ZDHHC13: variants seen among roughly 807,000 people sequenced by gnomAD.
ZDHHC13 encodes the protein zDHHC palmitoyltransferase 13, also known as palmitoyltransferase ZDHHC13.
ZDHHC13 carries 85 observed loss-of-function variants against 86.0 expected under a neutral mutation model. The ratio of observed to expected loss-of-function variants is 0.99; its 90% CI spans 0.83 to 1.18. The LOEUF (loss-of-function observed/expected upper bound fraction) is 1.18. Ranked by LOEUF, ZDHHC13 falls within the 50% of genes most tolerant of loss-of-function variation. The pLI, the probability that ZDHHC13 is intolerant of heterozygous loss-of-function variation, is 0.00. For synonymous variants in ZDHHC13, 263 were observed against 246.4 expected (o/e 1.07, Z -0.63); for missense variants, 711 against 730.2 (o/e 0.97, Z 0.30).
chr11:19,165,130 A>T lies in ZDHHC13; in HGVS notation c.1375A>T (p.Thr459Ser). 6.2e-7 allele frequency: 1 copy of T among 1,612,502 alleles called. No individual in the cohort carries two copies. The highest frequency in any genetic ancestry group is 1.7e-4 in the Middle Eastern group (1 of 6,060). ...VARYDQHCLW[T>S]GRCIGFGNHH... The stretch of plus-strand genomic sequence containing the variant: ...TCGATATGATCAACACTGCCTGTGG[A>T]CTGGACGGTGCATAGGTGAGAGATT... Residue 459 changes from threonine (T) to serine (S), a missense_variant, in exon 13 of 17, where the codon ACT becomes TCT. Coordinates refer to ENST00000446113, the MANE Select transcript of ZDHHC13 (RefSeq NM_019028.3).
intron 4 of ZDHHC13, chr11:19,148,955 A>G (rs1161886782): frequency 5.6e-6 from 2 of 356,558 alleles, no homozygotes; most frequent in Non-Finnish European, 9.9e-6. Context: ...CTCCATCTCA[A>G]AAACAAAAAA....
In ZDHHC13 at chr11:19,170,380, T is replaced by G. The variant is rs1465758687; in HGVS notation, c.1475-31T>G. On this transcript the variant is annotated intron_variant, in intron 14 of 16. Transcript: ENST00000446113. ...ACTGATAAGTAGTTTATTGCCTTTT[T>G]TTTTTTTTTTTTTTTTTGGTGAATT... 4 of 1,214,584 alleles carry G rather than the reference T, an allele frequency of 3.3e-6. No individual in the cohort carries two copies. In the Admixed American group the frequency reaches 1.3e-4, roughly 38 times the overall value. 75.2% of individuals were successfully genotyped at this position (1,214,584 alleles called of 1,614,324 possible).
In ZDHHC13 at chr11:19,142,979, G is replaced by A; in HGVS notation, c.29G>A (p.Cys10Tyr). The A allele has an allele frequency of 6.2e-7, 1 of 1,606,132 alleles. No individual in the cohort carries two copies. Among genetic ancestry groups the A allele is most frequent in the Non-Finnish European group, 8.5e-7 (1 of 1,175,700 alleles). The change falls in exon 2 of 17, where the codon TGC becomes TAC. Residue 10 changes from cysteine (C) to tyrosine (Y), a missense_variant and splice_region_variant. By Grantham distance (194) the Cys-to-Tyr change is radical (BLOSUM62 -2). Coordinates refer to ENST00000446113, the MANE Select transcript of ZDHHC13 (RefSeq NM_019028.3). MEGPGLGSQ[C>Y]RNHSHGPHPP... ...TGTCAAATGACTCTTACTCTTCAGT[G>A]CAGGAATCACAGCCATGGCCCCCAC...
chr11:19,120,381 C>A (rs1565016369), intron 1 of ZDHHC13, among the ~76,000 whole-genome samples: 1 of 152,194 alleles, frequency 6.6e-6, no homozygotes, highest in Non-Finnish European at 1.5e-5. Flanking sequence ...AGTAGAGACA[C>A]CTACACGTGA....
intron 9 of ZDHHC13, among the ~76,000 whole-genome samples, chr11:19,157,124 G>C (rs1590083851): frequency 2.6e-5 from 4 of 152,318 alleles, no homozygotes; most frequent in Admixed American, 2.6e-4. Context: ...TCAGGCCTCA[G>C]TTCAGCTGTC....
At chr11:19,138,662 C>T (rs1181154089) in intron 1 of ZDHHC13, among the ~76,000 whole-genome samples, 3 of 149,670 alleles carry the variant, frequency 2.0e-5, no homozygotes, top group African/African-American at 7.3e-5. Context: ...CAAAAATCCT[C>T]AATAAAATAC....
In ZDHHC13 at chr11:19,143,002, C is replaced by T; in HGVS notation, c.52C>T (p.His18Tyr). Residue 18 changes from histidine to tyrosine, a missense_variant, in exon 2 of 17, where the codon CAC becomes TAC. Transcript: ENST00000446113. ...SQCRNHSHGP[H>Y]PPGFGRYGIC... ...GTGCAGGAATCACAGCCATGGCCCC[C>T]ACCCTCCAGGATTTGGTCGATATGG... 1.2e-6 allele frequency: 2 copies of T among 1,610,632 alleles called. No individual in the cohort carries two copies. Among genetic ancestry groups the T allele is most frequent in the East Asian group, 2.2e-5 (1 of 44,828 alleles).
chr11:19,166,827 A>G (rs944667531), intron 14 of ZDHHC13: 1 of 153,846 alleles, frequency 6.5e-6, no homozygotes, highest in Admixed American at 6.5e-5. Flanking sequence ...TCAAGTTGAA[A>G]CTGAGAACTG....
chr11:19,144,655 G>A lies in ZDHHC13; in HGVS notation c.174-1526G>A, dbSNP rs193003950. 6.8e-3 allele frequency among the ~76,000 whole-genome samples: 1,041 copies of A among 152,248 alleles called. 8 individuals are homozygous for A. The highest frequency in any genetic ancestry group is 0.024 in the African/African-American group (982 of 41,546). The stretch of plus-strand genomic sequence containing the variant: ...CACACACACGCACACACACACGCGT[G>A]TATTTTGGTAAGGCAGAAATTATTC... On this transcript the variant is annotated intron_variant, in intron 2 of 16. Coordinates refer to ENST00000446113, the MANE Select transcript of ZDHHC13 (RefSeq NM_019028.3).
chr11:19,119,395 G>A (rs1848713775), intron 1 of ZDHHC13, among the ~76,000 whole-genome samples: 1 of 152,106 alleles, frequency 6.6e-6, no homozygotes, highest in Non-Finnish European at 1.5e-5. Flanking sequence ...GTGAGCCACC[G>A]CTCCCAGCCT....
At chr11:19,141,973 G>A (rs1849333498) in intron 1 of ZDHHC13, among the ~76,000 whole-genome samples, 2 of 152,186 alleles carry the variant, frequency 1.3e-5, no homozygotes, top group Middle Eastern at 3.4e-3. Context: ...CGCATTTAGT[G>A]GGTTAAAACA....
At chr11:19,141,072 T>TA (rs1030853735) in intron 1 of ZDHHC13, among the ~76,000 whole-genome samples, 157 of 132,274 alleles carry the variant, frequency 1.2e-3, no homozygotes, top group Middle Eastern at 3.9e-3. Flanking sequence ...AGTATAATAA[T>TA]AAAAAAAAAA....
intron 1 of ZDHHC13, among the ~76,000 whole-genome samples, chr11:19,122,257 T>C (rs1848773583): frequency 6.6e-6 from 1 of 152,172 alleles, no homozygotes; most frequent in South Asian, 2.1e-4. Context: ...TTAAAGATGG[T>C]GGTTATAAAT....
intron 10 of ZDHHC13, among the ~76,000 whole-genome samples, chr11:19,159,446 T>C (rs1218505731): frequency 6.6e-6 from 1 of 152,150 alleles, no homozygotes; most frequent in Non-Finnish European, 1.5e-5. Context: ...TATGGCTTCC[T>C]CAGTAACGGT....
chr11:19,120,312 A>G (rs1341759345), intron 1 of ZDHHC13, among the ~76,000 whole-genome samples: 1 of 152,322 alleles, frequency 6.6e-6, no homozygotes, highest in East Asian at 1.9e-4. Flanking sequence ...CTGGAGATGA[A>G]TTGAGAGCTG....
chr11:19,143,214 C>A, intron 2 of ZDHHC13, 91 bp downstream of exon 2: 2 of 1,344,098 alleles, frequency 1.5e-6, no homozygotes, highest in Non-Finnish European at 2.0e-6. Flanking sequence ...ATGTTTACCT[C>A]TCTTAACTTC....
intron 1 of ZDHHC13, among the ~76,000 whole-genome samples, chr11:19,136,814 A>T (rs1200281588): frequency 6.6e-6 from 1 of 151,906 alleles, no homozygotes; most frequent in Non-Finnish European, 1.5e-5. Context: ...ATATCCAGCC[A>T]AACTAAGCTT....
intron 8 of ZDHHC13, among the ~76,000 whole-genome samples, chr11:19,154,850 G>T (rs1339553618): frequency 2.0e-5 from 3 of 151,974 alleles, no homozygotes; most frequent in Non-Finnish European, 4.4e-5. Flanking sequence ...TGTTTGTTTT[G>T]GCTAAGATTC....
intron 1 of ZDHHC13, among the ~76,000 whole-genome samples, chr11:19,138,709 T>C (rs1849219839): frequency 6.6e-6 from 1 of 151,412 alleles, no homozygotes; most frequent in African/African-American, 2.4e-5. Flanking sequence ...AAAAAGCTTA[T>C]CCACCATGAT....
Sources: gnomAD v4.1 joint callset for allele counts (sites outside exome capture counted in the v4.1 genomes callset) on GRCh38, gnomAD v4.1.1 for gene constraint, MANE v1.5 for transcripts, NCBI Gene and HGNC (gene_info 2026-07-23, HGNC 2026-07-21) for gene names.